The following PTPRD variants were observed in gnomAD, a reference collection of about 807,000 sequenced individuals.
PTPRD encodes the protein receptor-type tyrosine-protein phosphatase delta.
Under a neutral mutation model 214.5 loss-of-function variants are expected in PTPRD, and 34 were observed. That is an observed-to-expected ratio of 0.16 (90% confidence interval 0.12 to 0.21). The LOEUF (loss-of-function observed/expected upper bound fraction) is 0.21, where lower values mean the gene tolerates loss of function less well. PTPRD is among the 10% of genes least tolerant of loss of function. The pLI, the probability that PTPRD is intolerant of heterozygous loss-of-function variation, is 1.00. For synonymous variants in PTPRD, 1,128 were observed against 845.7 expected (o/e 1.33, Z -5.79); for missense variants, 2,545 against 2,398.7 (o/e 1.06, Z -1.27).
At chr9:9,710,474 T>C (rs111253904) in intron 7 of PTPRD, among the ~76,000 whole-genome samples, 1 of 152,190 alleles carries the variant, frequency 6.6e-6, no homozygotes, top group African/African-American at 2.4e-5. Flanking sequence ...AAAACAGAAA[T>C]TTTAATGGTT....
chr9:8,920,958 C>T (rs1475687702), intron 11 of PTPRD, among the ~76,000 whole-genome samples: 3 of 152,118 alleles, frequency 2.0e-5, no homozygotes, highest in South Asian at 4.1e-4. Flanking sequence ...GGATTACAGA[C>T]GCACGCCCCC....
intron 5 of PTPRD, among the ~76,000 whole-genome samples, chr9:9,893,321 G>C (rs1180671474): frequency 6.6e-6 from 1 of 151,970 alleles, no homozygotes; most frequent in Non-Finnish European, 1.5e-5. Flanking sequence ...CCAATTAAAA[G>C]ACACAGAGTG....
At chr9:9,167,858 G>T (rs1409419890) in intron 10 of PTPRD, among the ~76,000 whole-genome samples, 1 of 152,142 alleles carries the variant, frequency 6.6e-6, no homozygotes, top group Admixed American at 6.6e-5. Context: ...GCCACTGCAT[G>T]AAACATGCTA....
chr9:8,502,377 T>C (rs1483599364), intron 23 of PTPRD, among the ~76,000 whole-genome samples: 2 of 152,074 alleles, frequency 1.3e-5, no homozygotes, highest in African/African-American at 2.4e-5. Context: ...CTAGACTTTG[T>C]GACTCTTAAC....
chr9:8,605,352 G>A (rs550585052), intron 14 of PTPRD, among the ~76,000 whole-genome samples: 1 of 152,172 alleles, frequency 6.6e-6, no homozygotes, highest in South Asian at 2.1e-4. Context: ...TCATAGTTTT[G>A]CCTGCTCTTT....
At chr9:8,919,704 C>T (rs189726085) in intron 11 of PTPRD, among the ~76,000 whole-genome samples, 4 of 152,240 alleles carry the variant, frequency 2.6e-5, no homozygotes, top group South Asian at 2.1e-4. Flanking sequence ...CATGTATACA[C>T]GTATCCAACT....
At chr9:8,481,139 C>CAAAAAAAAAAAAAA (rs34451513) in intron 30 of PTPRD, among the ~76,000 whole-genome samples, 1 of 39,436 alleles carries the variant, frequency 2.5e-5, no homozygotes, top group Non-Finnish European at 4.6e-5. Flanking sequence ...GACTCCGTCT[C>CAAAAAAAAAAAAAA]AAAAAAAAAA....
rs548264684 is a variant in PTPRD at position 9,679,034 on chromosome 9, T to C, written c.-287+55499A>G. Reference sequence around the variant, plus strand: ...AAAAGAGGGTTAAATGCATACAATATATAGAAATTGTCTTTAAAGCTTATT... The same window carrying C: ...AAAAGAGGGTTAAATGCATACAATACATAGAAATTGTCTTTAAAGCTTATT... On this transcript the variant is annotated intron_variant, in intron 7 of 45. Coordinates refer to ENST00000381196, the MANE Select transcript of PTPRD (RefSeq NM_002839.4). 2.7e-5 allele frequency among the ~76,000 whole-genome samples: 4 copies of C among 150,868 alleles called. No homozygotes were observed. In the East Asian group the frequency reaches 5.9e-4, roughly 22 times the overall value.
chr9:9,261,511 G>A (rs1488870156), intron 9 of PTPRD, among the ~76,000 whole-genome samples: 3 of 151,898 alleles, frequency 2.0e-5, no homozygotes, highest in South Asian at 2.1e-4. Flanking sequence ...AAAAAGAACT[G>A]GTCTTTGCCA....
At chr9:10,426,856 T>C (rs956463439) in intron 2 of PTPRD, among the ~76,000 whole-genome samples, 5 of 152,092 alleles carry the variant, frequency 3.3e-5, no homozygotes, top group African/African-American at 1.2e-4. Flanking sequence ...TGTCCACAGG[T>C]TGGCAAAGGA....
chr9:8,420,573 A>G (rs1260621804), intron 35 of PTPRD, among the ~76,000 whole-genome samples: 2 of 152,144 alleles, frequency 1.3e-5, no homozygotes, highest in Non-Finnish European at 2.9e-5. Flanking sequence ...ATCAAAAACA[A>G]AACGATTATA....
At chr9:9,067,196 C>T (rs1196841251) in intron 10 of PTPRD, among the ~76,000 whole-genome samples, 1 of 152,214 alleles carries the variant, frequency 6.6e-6, no homozygotes, top group Non-Finnish European at 1.5e-5. Flanking sequence ...CACCATTGCA[C>T]TCCAGCCTGG....
At chr9:9,789,614 G>A (rs10977978) in intron 5 of PTPRD, among the ~76,000 whole-genome samples, 43,779 of 151,078 alleles carry the variant, frequency 0.29, 6,465 homozygotes, top group South Asian at 0.36. Flanking sequence ...TGGCTAACAC[G>A]ATGAAACCCC....
At position 8,376,180 on chromosome 9, in the gene PTPRD, C is replaced by T. The variant is rs1341037903; in HGVS notation, c.4507-90G>A. On this transcript the variant is annotated intron_variant, in intron 38 of 45. Coordinates refer to ENST00000381196, the MANE Select transcript of PTPRD (RefSeq NM_002839.4). Reference sequence around the variant, plus strand: ...AGGGAAGAGGTAATGCTAAAATGTGCTATTTTAATTCCTTTCTACCACCCT... The same window carrying T: ...AGGGAAGAGGTAATGCTAAAATGTGTTATTTTAATTCCTTTCTACCACCCT... 3.5e-6 allele frequency: 5 copies of T among 1,446,216 alleles called. No individual in the cohort carries two copies. In the African/African-American group the frequency reaches 5.6e-5, roughly 16 times the overall value. 89.6% of individuals were successfully genotyped at this position (1,446,216 alleles called of 1,614,324 possible).
chr9:8,468,230 T>C (rs927426670), intron 31 of PTPRD, among the ~76,000 whole-genome samples: 1 of 152,018 alleles, frequency 6.6e-6, no homozygotes, highest in African/African-American at 2.4e-5. Context: ...CTCTGCAGGA[T>C]GCTTCCTGTG....
intron 9 of PTPRD, among the ~76,000 whole-genome samples, chr9:9,332,809 T>C (rs1012184911): frequency 2.0e-5 from 3 of 151,990 alleles, no homozygotes; most frequent in African/African-American, 7.2e-5. Flanking sequence ...CAAACTGCTG[T>C]AAGTAAAATA....
chr9:10,105,152 T>C (rs146875754), intron 3 of PTPRD, among the ~76,000 whole-genome samples: 197 of 151,944 alleles, frequency 1.3e-3, no homozygotes, highest in African/African-American at 4.5e-3. Flanking sequence ...GGAATTATTA[T>C]CATTTATTAT....
chr9:8,979,074 G>A (rs1350454914), intron 11 of PTPRD, among the ~76,000 whole-genome samples: 1 of 152,060 alleles, frequency 6.6e-6, no homozygotes, highest in Non-Finnish European at 1.5e-5. Context: ...TTCATTTCTT[G>A]TATGTTTCTT....
chr9:8,986,710 T>C (rs1003132287), intron 11 of PTPRD, among the ~76,000 whole-genome samples: 1 of 152,100 alleles, frequency 6.6e-6, no homozygotes, highest in Non-Finnish European at 1.5e-5. Context: ...TGCTCACTTT[T>C]TAGCCTGATT....
Sources: allele counts gnomAD v4.1 joint callset (sites outside exome capture counted in the v4.1 genomes callset), GRCh38; gene constraint gnomAD v4.1.1; transcripts MANE v1.5; gene names NCBI Gene and HGNC (gene_info 2026-07-23, HGNC 2026-07-21).